WDR44: variants seen among roughly 807,000 people sequenced by gnomAD.
WDR44 encodes the protein WD repeat-containing protein 44.
A neutral mutation model predicts 65.7 loss-of-function variants in WDR44; 9 were observed. The ratio of observed to expected loss-of-function variants is 0.14; its 90% confidence interval spans 0.08 to 0.24. The LOEUF (loss-of-function observed/expected upper bound fraction) is 0.24, where lower values mean the gene tolerates loss of function less well. Ranked by LOEUF, WDR44 falls within the 10% of genes least tolerant of loss-of-function variation. The pLI is 1.00. For missense variants in WDR44, 425 were observed against 670.9 expected, an observed-to-expected ratio of 0.63 and a Z score of 4.05; for synonymous variants, 220 against 235.2, an observed-to-expected ratio of 0.94 and a Z score of 0.59.
At chrX:118,395,769 T>C (rs1174189081) in intron 6 of WDR44, among the ~76,000 whole-genome samples, 2 of 111,730 alleles carry the variant, frequency 1.8e-5, no homozygotes, top group African/African-American at 3.3e-5. Context: ...ACTCCTGTAA[T>C]CCCAGCACTT....
At chrX:118,368,578 C>G (rs2056576680) in intron 1 of WDR44, among the ~76,000 whole-genome samples, 1 of 104,377 alleles carries the variant, frequency 9.6e-6, no homozygotes. Context: ...CTTCTCCCAG[C>G]AGTGTTTACC....
chrX:118,380,303 A>T (rs1399055075), intron 2 of WDR44, among the ~76,000 whole-genome samples: 1 of 111,245 alleles, frequency 9.0e-6, no homozygotes, highest in East Asian at 2.8e-4. Context: ...TCATGTGTAT[A>T]TTTGTATAAC....
intron 8 of WDR44, among the ~76,000 whole-genome samples, chrX:118,399,131 A>G (rs1245059569): frequency 8.9e-6 from 1 of 112,040 alleles, no homozygotes; most frequent in Non-Finnish European, 1.9e-5. Context: ...ACTACAGTCC[A>G]TGGCAATTTT....
intron 2 of WDR44, among the ~76,000 whole-genome samples, chrX:118,381,573 CTTCT>C (rs2056717123): frequency 1.2e-5 from 1 of 83,749 alleles, no homozygotes; most frequent in Non-Finnish European, 2.0e-5. Flanking sequence ...TTCGTTCTTT[CTTCT>C]TTTTTTTTTT....
In WDR44 at chrX:118,432,878, A is replaced by G. The variant is rs1461804815; in HGVS notation, c.1835A>G (p.Asp612Gly). 1.7e-6 allele frequency: 2 copies of G among 1,205,152 alleles called. No individual in the cohort carries two copies. Among genetic ancestry groups the G allele is most frequent in the Non-Finnish European group, 2.2e-6 (2 of 889,463 alleles). ...AAAGGACATACTGCTGATCTCCTTG[A>G]TCTTTCATGGTCTAAAGTAAGAAAT... is the stretch of plus-strand genomic sequence containing the variant. ...KYKGHTADLL[D>G]LSWSKNYFLL... is the part of the protein sequence containing the mutation. The change falls in exon 13 of 20, where the codon GAT becomes GGT. Residue 612 changes from aspartate (D) to glycine (G), a missense_variant. By Grantham distance (94) the Asp-to-Gly change is moderately conservative. This residue lies in a region of WDR44 where 73 missense variants were observed against 187.4 expected (regional missense o/e 0.39). Coordinates refer to ENST00000254029, the MANE Select transcript of WDR44 (RefSeq NM_019045.5).
intron 9 of WDR44, among the ~76,000 whole-genome samples, chrX:118,405,270 A>G (rs950990482): frequency 9.1e-6 from 1 of 109,728 alleles, no homozygotes; most frequent in Non-Finnish European, 1.9e-5. Flanking sequence ...TCCTGACCTC[A>G]GGTGATCCAC....
At chrX:118,360,533 G>A (rs1458219107) in intron 1 of WDR44, among the ~76,000 whole-genome samples, 3 of 111,707 alleles carry the variant, frequency 2.7e-5, no homozygotes, top group South Asian at 3.7e-4. Context: ...CTTCAGTGTC[G>A]GTCTTAGTTT....
At chrX:118,379,834 G>A (rs1302890885) in intron 2 of WDR44, among the ~76,000 whole-genome samples, 1 of 111,587 alleles carries the variant, frequency 9.0e-6, no homozygotes, top group Admixed American at 9.6e-5. Flanking sequence ...AAGTAATAAC[G>A]TGTAGGGTTG....
In WDR44 at chrX:118,346,291, C is replaced by T; in HGVS notation, c.-213C>T. ...TTCCCTGGACCAACCGCCGCCTCTT[C>T]AGGCGGCCGCTTTGCCGGTCATTCC... is the stretch of plus-strand genomic sequence containing the variant. On this transcript the variant is annotated 5_prime_UTR_variant, in exon 1 of 20. Coordinates refer to ENST00000254029, the MANE Select transcript of WDR44 (RefSeq NM_019045.5). 1 of 416,769 alleles carries T rather than the reference C, an allele frequency of 2.4e-6. No homozygotes were observed. Among genetic ancestry groups the T allele is most frequent in the Non-Finnish European group, 4.2e-6 (1 of 238,703 alleles). The allele number at this position is 416,769 out of a possible 1,213,427, so 34.3% of individuals were successfully genotyped here.
chrX:118,448,717 G>A (rs2057368181), intron 19 of WDR44, among the ~76,000 whole-genome samples, 176 bp from the exon 20 acceptor site: 1 of 111,737 alleles, frequency 8.9e-6, no homozygotes, highest in Admixed American at 9.6e-5. Context: ...CCTCAGAGCA[G>A]AGGAGAGATT....
chrX:118,403,635 C>T lies in WDR44; in HGVS notation c.1275-703C>T, dbSNP rs187792468. 5.1e-4 allele frequency among the ~76,000 whole-genome samples: 57 copies of T among 111,828 alleles called. 1 individual carries two copies. In the East Asian group the frequency reaches 0.015, roughly 30 times the overall value. ...TCCCATGAATCAGTAAAAATTTACT[C>T]CTGATTTGTATTTCTTTTGGTTTTA... On this transcript the variant is annotated intron_variant, in intron 8 of 19. Coordinates refer to ENST00000254029, the MANE Select transcript of WDR44 (RefSeq NM_019045.5).
intron 17 of WDR44, 75 bp from the exon 18 acceptor site, chrX:118,443,485 A>G: frequency 9.0e-7 from 1 of 1,108,034 alleles, no homozygotes; most frequent in South Asian, 2.1e-5. Flanking sequence ...CAAAGTAGGA[A>G]GCACTGATAA....
intron 1 of WDR44, among the ~76,000 whole-genome samples, chrX:118,374,985 A>G (rs780562163): frequency 5.9e-4 from 66 of 111,920 alleles, no homozygotes; most frequent in Non-Finnish European, 8.6e-4. Context: ...GTCTCTCAAA[A>G]GAAAATAATA....
chrX:118,352,362 T>A (rs1168042015), intron 1 of WDR44, among the ~76,000 whole-genome samples: 216 of 59,749 alleles, frequency 3.6e-3, no homozygotes, highest in African/African-American at 0.014. Flanking sequence ...ATTTTTTTTT[T>A]TTTTTTTTTT....
chrX:118,368,481 A>ATATATATATATATATATAT (rs1377849821), intron 1 of WDR44, among the ~76,000 whole-genome samples: 2 of 95,289 alleles, frequency 2.1e-5, no homozygotes, highest in African/African-American at 4.3e-5. Context: ...ATATATATAT[A>ATATATATATATATATATAT]CTTCTTGAGG....
chrX:118,449,622 C>T lies in WDR44; in HGVS notation c.*635C>T, dbSNP rs2057374698. 1 of 109,305 alleles carries T rather than the reference C, an allele frequency of 9.1e-6. No individual in the cohort carries two copies. The highest frequency in any genetic ancestry group is 1.9e-5 in the Non-Finnish European group (1 of 52,491). 9.0% of individuals were successfully genotyped at this position (109,305 alleles called of 1,213,427 possible). ...TTTTTTTTTCTTTGCCACACTGGAGCACAATGTTTCTATGTAAAGAATTAT... is the reference window on the plus strand; with the variant it reads ...TTTTTTTTTCTTTGCCACACTGGAGTACAATGTTTCTATGTAAAGAATTAT... On this transcript the variant is annotated 3_prime_UTR_variant, in exon 20 of 20. Coordinates refer to ENST00000254029, the MANE Select transcript of WDR44 (RefSeq NM_019045.5).
chrX:118,418,757 T>C (rs1010966108), intron 12 of WDR44, among the ~76,000 whole-genome samples: 4 of 110,993 alleles, frequency 3.6e-5, no homozygotes, highest in Non-Finnish European at 7.5e-5. Context: ...CAAGAGTATA[T>C]GCCCTTTGTC....
intron 12 of WDR44, among the ~76,000 whole-genome samples, chrX:118,427,518 C>A (rs1163826846): frequency 9.2e-6 from 1 of 108,835 alleles, no homozygotes; most frequent in Non-Finnish European, 1.9e-5. Flanking sequence ...GATCTGCCCT[C>A]CTCGGCCTCC....
chrX:118,423,651 G>A (rs867432773), intron 12 of WDR44, among the ~76,000 whole-genome samples: 2 of 111,812 alleles, frequency 1.8e-5, no homozygotes, highest in Middle Eastern at 9.2e-3. Context: ...TATTTATTAA[G>A]TATACGATAC....
Sources: allele counts gnomAD v4.1 joint callset (sites outside exome capture counted in the v4.1 genomes callset), GRCh38; gene constraint gnomAD v4.1.1; regional missense constraint gnomAD v4.1.1; transcripts MANE v1.5; gene names NCBI Gene and HGNC (gene_info 2026-07-23, HGNC 2026-07-21).